The following ADGRE5 variants were observed in gnomAD, a reference collection of about 807,000 sequenced individuals.
The protein encoded by ADGRE5 is adhesion G protein-coupled receptor E5.
In ADGRE5, 72 loss-of-function variants were observed where a neutral mutation model predicts 100.3. The observed-to-expected ratio is 0.72, with a 90% CI of 0.59 to 0.87. ADGRE5 has a LOEUF of 0.87. Ranked by LOEUF, ADGRE5 falls within the 40% of genes least tolerant of loss-of-function variation. ADGRE5 has a pLI of 0.00. For missense variants in ADGRE5, 959 were observed against 1,094.7 expected (o/e 0.88, Z 1.75); for synonymous variants, 439 against 447.8 (o/e 0.98, Z 0.25).
In ADGRE5 at chr19:14,406,063, T is replaced by C. The variant is rs1976218733; in HGVS notation, c.1821+124T>C. ...CTGGAGGCATGAGGCCCCGCCCCTGTCCGGGATCTGGCCCCGCCCACCGGG... is the reference window on the plus strand; with the variant it reads ...CTGGAGGCATGAGGCCCCGCCCCTGCCCGGGATCTGGCCCCGCCCACCGGG... On this transcript the variant is annotated intron_variant, in intron 14 of 19. Transcript: ENST00000242786. This position sits in a 1 kb window ranked among gnomAD's most constrained non-coding sequence, Gnocchi z 6.0. 3 of 865,702 alleles carry C rather than the reference T, an allele frequency of 3.5e-6. No individual in the cohort carries two copies. Among genetic ancestry groups the C allele is most frequent in the Admixed American group, 2.9e-5 (1 of 34,386 alleles). 53.6% of individuals were successfully genotyped at this position (865,702 alleles called of 1,614,324 possible).
intron 9 of ADGRE5, among the ~76,000 whole-genome samples, chr19:14,400,221 C>T (rs1033180120): frequency 2.0e-4 from 31 of 152,110 alleles, no homozygotes; most frequent in African/African-American, 7.2e-4. Flanking sequence ...GGGATTTCAC[C>T]ATGTTAGCCA....
rs1409582006 is a variant in ADGRE5 at position 14,406,943 on chromosome 19, G to T, written c.2190G>T (p.Lys730Asn). Residue 730 changes from lysine (K) to asparagine (N), a missense_variant, in exon 17 of 20, where the codon AAG becomes AAT. Lys to Asn is a moderately conservative substitution (Grantham distance 94). This residue lies in a region of ADGRE5 where 428 missense variants were observed against 386.2 expected (regional missense o/e 1.11). Coordinates refer to ENST00000242786, the MANE Select transcript of ADGRE5 (RefSeq NM_078481.4). This position sits in a 1 kb window ranked among gnomAD's most constrained non-coding sequence, Gnocchi z 6.0. ...QKFSEINPDM[K>N]KLKKARALTI... ...TTTCTGAAATCAATCCAGACATGAA[G>T]AAATTAAAGAAGGCGAGGTGAGAGG... 2 of 1,614,172 alleles carry T rather than the reference G, an allele frequency of 1.2e-6. No individual in the cohort carries two copies. Among genetic ancestry groups the T allele is most frequent in the Non-Finnish European group, 1.7e-6 (2 of 1,180,006 alleles).
rs911029962 is a variant in ADGRE5, at chr19:14,405,647, A to G, written c.1630-101A>G. Reference sequence around the variant, plus strand: ...TAGGAGGGACAAGGGAGGAGGTCAGAGAGGTGGGCCCGTCAAAGTGTGGGG... The same window carrying G: ...TAGGAGGGACAAGGGAGGAGGTCAGGGAGGTGGGCCCGTCAAAGTGTGGGG... On this transcript the variant is annotated intron_variant, in intron 13 of 19. Transcript: ENST00000242786. 61 of 807,324 alleles carry G rather than the reference A, an allele frequency of 7.6e-5. No homozygotes were observed. The Admixed American group carries it at 1.3e-3, about 18-fold the overall frequency. The allele number at this position is 807,324 out of a possible 1,614,324, so 50.0% of individuals were successfully genotyped here.
At chr19:14,385,150 A>G (rs1300844094) in intron 1 of ADGRE5, among the ~76,000 whole-genome samples, 1 of 150,490 alleles carries the variant, frequency 6.6e-6, no homozygotes, top group East Asian at 2.0e-4. Context: ...AGCTGGGATT[A>G]CAGGCGTGTG....
chr19:14,395,944 C>T (rs890817939), intron 4 of ADGRE5, among the ~76,000 whole-genome samples: 9 of 152,322 alleles, frequency 5.9e-5, no homozygotes, highest in Middle Eastern at 3.4e-3. Context: ...GGCCAGCGAG[C>T]GGCCGTTCTG....
chr19:14,406,085 CG>C lies in ADGRE5; in HGVS notation c.1821+152del, dbSNP rs964574769. 19 of 760,338 alleles carry C rather than the reference CG, an allele frequency of 2.5e-5. No individual in the cohort carries two copies. The highest frequency in any genetic ancestry group is 1.9e-4 in the East Asian group (7 of 36,638). The allele number at this position is 760,338 out of a possible 1,614,324, so 47.1% of individuals were successfully genotyped here. Reference sequence around the variant, plus strand: ...CTGTCCGGGATCTGGCCCCGCCCACCGGGGGGTCGGGTTGTCTCTTTAAAGG... The same window carrying C: ...CTGTCCGGGATCTGGCCCCGCCCACCGGGGGTCGGGTTGTCTCTTTAAAGG... On this transcript the variant is annotated intron_variant, in intron 14 of 19. Coordinates refer to ENST00000242786, the MANE Select transcript of ADGRE5 (RefSeq NM_078481.4). The surrounding 1 kb of genome is among the most constrained non-coding windows in gnomAD (Gnocchi z 6.0).
rs1341993979 is a variant in ADGRE5, at chr19:14,406,435, G to A, written c.1926G>A (p.Val642=). 3 of 1,587,036 alleles carry A rather than the reference G, an allele frequency of 1.9e-6. No individual in the cohort carries two copies. In the East Asian group the frequency reaches 6.9e-5, roughly 36 times the overall value. Residue 642 remains valine, a synonymous_variant, in exon 15 of 20, where the codon GTG becomes GTA. Coordinates refer to ENST00000242786, the MANE Select transcript of ADGRE5 (RefSeq NM_078481.4). This position sits in a 1 kb window ranked among gnomAD's most constrained non-coding sequence, Gnocchi z 6.0. ...GCCTGGAGCTCTACTTTCTTGTGGT[G>A]CGCGTGTTCCAAGGCCAGGGCCTGA... ...LEGLELYFLV[V]RVFQGQGLST...
At chr19:14,390,298 G>C (rs1975554125) in intron 3 of ADGRE5, among the ~76,000 whole-genome samples, 1 of 150,718 alleles carries the variant, frequency 6.6e-6, no homozygotes, top group Non-Finnish European at 1.5e-5. Flanking sequence ...TGGGGAGGGG[G>C]TACATTCTGG....
chr19:14,399,563 CAAAAAAAAAAA>C (rs764605166), intron 9 of ADGRE5, among the ~76,000 whole-genome samples: 25 of 31,852 alleles, frequency 7.8e-4, no homozygotes, highest in South Asian at 2.0e-3. Flanking sequence ...GACTCCGTCT[CAAAAAAAAAAA>C]AAAAAAAAAA....
At position 14,401,363 on chromosome 19, in the gene ADGRE5, T is replaced by G; in HGVS notation, c.898-23T>G. 1.2e-6 allele frequency: 2 copies of G among 1,610,792 alleles called. No homozygotes were observed. Among genetic ancestry groups the G allele is most frequent in the Non-Finnish European group, 1.7e-6 (2 of 1,178,086 alleles). ...CCCCTGTGGTCTGATGCTCCAGCGATTCTGTCACCCGCCACCCCCTAGAAT... is the reference window on the plus strand; with the variant it reads ...CCCCTGTGGTCTGATGCTCCAGCGAGTCTGTCACCCGCCACCCCCTAGAAT... On this transcript the variant is annotated intron_variant, in intron 9 of 19. Transcript: ENST00000242786. The surrounding 1 kb of genome is among the most constrained non-coding windows in gnomAD (Gnocchi z 4.1).
In ADGRE5 at chr19:14,381,792, T is replaced by C. The variant is rs561168456; in HGVS notation, c.22+247T>C. Among the ~76,000 whole-genome samples the C allele has an allele frequency of 4.6e-5, 7 of 152,226 alleles. No homozygotes were observed. In the South Asian group the frequency reaches 1.2e-3, roughly 27 times the overall value. On this transcript the variant is annotated intron_variant, in intron 1 of 19. Transcript: ENST00000242786. ...CCTGCCTGGAGGGATCCTCAAGCTT[T>C]CTACTGGAGCCAGTCTGGCATCTGC...
intron 4 of ADGRE5, 73 bp downstream of exon 4, chr19:14,391,152 C>T (rs769371428): frequency 2.4e-5 from 39 of 1,595,304 alleles, no homozygotes; most frequent in Non-Finnish European, 2.9e-5. Flanking sequence ...CTGGCAGCAT[C>T]CAGAGAGCAG....
chr19:14,383,482 G>A (rs1975232732), intron 1 of ADGRE5, among the ~76,000 whole-genome samples: 1 of 152,100 alleles, frequency 6.6e-6, no homozygotes, highest in South Asian at 2.1e-4. Flanking sequence ...TCCAGCCTGG[G>A]TGACAGTGAG....
chr19:14,392,535 G>T lies in ADGRE5; in HGVS notation c.346+1456G>T, dbSNP rs116706231. On this transcript the variant is annotated intron_variant, in intron 4 of 19. Transcript: ENST00000242786. ...TTTGTTAAATATAGACCTTGGACAG[G>T]TTACTTTCACCTTGTTAAAAGGTTA... Among the ~76,000 whole-genome samples the T allele has an allele frequency of 1.7e-3, 266 of 152,234 alleles. 2 individuals are homozygous for T. Among genetic ancestry groups the T allele is most frequent in the African/African-American group, 6.2e-3 (257 of 41,554 alleles).
chr19:14,382,927 G>A (rs1317003804), intron 1 of ADGRE5, among the ~76,000 whole-genome samples: 2 of 151,866 alleles, frequency 1.3e-5, no homozygotes, highest in Admixed American at 1.3e-4. Flanking sequence ...GTAGAGACGG[G>A]GTTTCACCAT....
At position 14,408,512 on chromosome 19, in the gene ADGRE5, C is replaced by T. The variant is rs1976385014; in HGVS notation, c.*391C>T. 2 of 465,522 alleles carry T rather than the reference C, an allele frequency of 4.3e-6. No homozygotes were observed. Among genetic ancestry groups the T allele is most frequent in the South Asian group, 3.0e-5 (1 of 33,168 alleles). 28.8% of individuals were successfully genotyped at this position (465,522 alleles called of 1,614,324 possible). A position where few individuals can be genotyped will look rare whatever the true frequency, so the allele number is the denominator to read the frequency against. The stretch of plus-strand genomic sequence containing the variant: ...GAACTGAAGAGACTAGGCGCTGGGG[C>T]TCAGCTTCCCTCTTAAGCTAAGACT... On this transcript the variant is annotated 3_prime_UTR_variant, in exon 20 of 20. Coordinates refer to ENST00000242786, the MANE Select transcript of ADGRE5 (RefSeq NM_078481.4).
Position 14,397,697 on chromosome 19 carries a change from G to C in ADGRE5, c.665G>C (p.Ser222Thr). 4 of 1,535,400 alleles carry C rather than the reference G, an allele frequency of 2.6e-6. No individual in the cohort carries two copies. Among genetic ancestry groups the C allele is most frequent in the South Asian group, 2.3e-5 (2 of 88,658 alleles). The change falls in exon 7 of 20, where the codon AGC (serine) becomes ACC (threonine). Residue 222 changes from serine to threonine, a missense_variant. Transcript: ENST00000242786. Reference protein sequence around the residue: ...ECSSGQHQCDSSTVCFNTVGS... With the variant: ...ECSSGQHQCDTSTVCFNTVGS... ...AGCTCCGGGCAGCATCAGTGTGACA[G>C]CTCCACCGTCTGCTTCAACACCGTG...
At chr19:14,402,526 C>T (rs1436156692) in intron 11 of ADGRE5, 71 bp from the exon 12 acceptor site, 9 of 1,532,780 alleles carry the variant, frequency 5.9e-6, no homozygotes, top group Non-Finnish European at 8.1e-6. Flanking sequence ...TGAGCTGGGT[C>T]ATCTTGGGAG....
intron 4 of ADGRE5, among the ~76,000 whole-genome samples, chr19:14,393,297 C>T (rs372696954): frequency 1.3e-5 from 2 of 151,876 alleles, no homozygotes; most frequent in Non-Finnish European, 1.5e-5. Context: ...TGATCTGATG[C>T]GCCCCCAGGA....
Sources: gnomAD v4.1 joint callset for allele counts (sites outside exome capture counted in the v4.1 genomes callset) on GRCh38, gnomAD v4.1.1 for gene constraint, gnomAD v4.1.1 regional missense constraint, Gnocchi (gnomAD v3.1) non-coding constraint, MANE v1.5 for transcripts, NCBI Gene and HGNC (gene_info 2026-07-23, HGNC 2026-07-21) for gene names.